ARHGAP22: variants seen among roughly 807,000 people sequenced by gnomAD.
ARHGAP22 encodes the protein Rho GTPase activating protein 22, also known as rho GTPase-activating protein 22.
Under a neutral mutation model 59.1 loss-of-function variants are expected in ARHGAP22, and 48 were observed. The observed-to-expected ratio is 0.81, with a 90% CI of 0.64 to 1.03. The LOEUF (loss-of-function observed/expected upper bound fraction) is 1.03. Ranked by LOEUF, ARHGAP22 falls within the 50% of genes least tolerant of loss-of-function variation. The pLI, the probability that ARHGAP22 is intolerant of heterozygous loss-of-function variation, is 0.00. For synonymous variants in ARHGAP22, 445 were observed against 416.4 expected, an observed-to-expected ratio of 1.07 and a Z score of -0.84; for missense variants, 1,015 against 958.7, an observed-to-expected ratio of 1.06 and a Z score of -0.78.
the ARHGAP22 span, chr10:48,435,050 TGGGA>T: frequency 9.9e-5 from 29 of 293,594 alleles, no homozygotes; most frequent in Non-Finnish European, 1.7e-4. Context: ...CATCGGGGGG[TGGGA>T]GGGATGGGGA....
chr10:48,463,845 A>G (rs926685442), intron 4 of ARHGAP22, among the ~76,000 whole-genome samples: 2 of 152,092 alleles, frequency 1.3e-5, no homozygotes, highest in African/African-American at 4.8e-5. Context: ...GAAGGAGGGG[A>G]CCGAGCTCTC....
At chr10:48,485,727 T>A (rs2049787816) in intron 3 of ARHGAP22, among the ~76,000 whole-genome samples, 1 of 152,226 alleles carries the variant, frequency 6.6e-6, no homozygotes, top group Non-Finnish European at 1.5e-5. Context: ...AGAACTGACC[T>A]CTTTATCATT....
chr10:48,635,430 C>T (rs2061777874), intron 1 of ARHGAP22, among the ~76,000 whole-genome samples: 1 of 152,248 alleles, frequency 6.6e-6, no homozygotes, highest in South Asian at 2.1e-4. Context: ...TGAAACGTCC[C>T]CTCTTAGGTG....
At position 48,528,781 on chromosome 10, in the gene ARHGAP22, G is replaced by A. The variant is rs575586929; in HGVS notation, c.322+26682C>T. ...CTGGTAGTTCACATGAGGGCTGGTT[G>A]TTTAAAAGAGTATGAGATCTCCTCC... On this transcript the variant is annotated intron_variant, in intron 3 of 9. Coordinates refer to ENST00000249601, the MANE Select transcript of ARHGAP22 (RefSeq NM_021226.4). Among the ~76,000 whole-genome samples the A allele has an allele frequency of 2.0e-5, 3 of 152,188 alleles. No individual in the cohort carries two copies. The East Asian group carries it at 5.8e-4, about 29-fold the overall frequency.
At position 48,530,292 on chromosome 10, in the gene ARHGAP22, T is replaced by C. The variant is rs142107209; in HGVS notation, c.322+25171A>G. Among the ~76,000 whole-genome samples, 309 of 130,760 alleles carry C rather than the reference T, an allele frequency of 2.4e-3. 1 individual carries two copies. The highest frequency in any genetic ancestry group is 8.3e-3 in the African/African-American group (294 of 35,520). 85.8% of individuals were successfully genotyped at this position (130,760 alleles called of 152,430 possible). ...TCAAGATGGATCAAAGACTTAAACC[T>C]AAGACCTGAAACTGTAAAAATTCTA... is the stretch of plus-strand genomic sequence containing the variant. On this transcript the variant is annotated intron_variant, in intron 3 of 9. Transcript: ENST00000249601.
intron 3 of ARHGAP22, among the ~76,000 whole-genome samples, chr10:48,534,459 C>A (rs2055164616): frequency 6.6e-6 from 1 of 152,226 alleles, no homozygotes; most frequent in Non-Finnish European, 1.5e-5. Context: ...GCTCTCTGTC[C>A]TTGCCATATG....
At chr10:48,555,430 A>G (rs2057234501) in intron 3 of ARHGAP22, 33 bp downstream of exon 3, 2 of 1,602,090 alleles carry the variant, frequency 1.2e-6, no homozygotes, top group Non-Finnish European at 1.7e-6. Flanking sequence ...CACCCCCACC[A>G]GGGCTGCAGA....
intron 4 of ARHGAP22, among the ~76,000 whole-genome samples, chr10:48,473,589 A>AT (rs1220829337): frequency 6.6e-6 from 1 of 152,082 alleles, no homozygotes; most frequent in Non-Finnish European, 1.5e-5. Context: ...CTTTATGTCC[A>AT]TTTTCTCTCT....
At chr10:48,503,809 C>T (rs1237690563) in intron 3 of ARHGAP22, among the ~76,000 whole-genome samples, 1 of 152,266 alleles carries the variant, frequency 6.6e-6, no homozygotes, top group Non-Finnish European at 1.5e-5. Context: ...CCCCTAACTC[C>T]TGCTGGAGTG....
chr10:48,616,695 A>G (rs2061094271), intron 1 of ARHGAP22, among the ~76,000 whole-genome samples: 1 of 152,140 alleles, frequency 6.6e-6, no homozygotes, highest in African/African-American at 2.4e-5. Context: ...CAAAATGCTG[A>G]AACAAAAACC....
At chr10:48,598,145 C>T (rs909031934) in intron 1 of ARHGAP22, among the ~76,000 whole-genome samples, 2 of 152,230 alleles carry the variant, frequency 1.3e-5, no homozygotes, top group Non-Finnish European at 2.9e-5. Flanking sequence ...GGTGGGGGCA[C>T]TTATGGATGT....
intron 1 of ARHGAP22, among the ~76,000 whole-genome samples, chr10:48,599,129 T>C (rs1589092625): frequency 6.6e-6 from 1 of 152,306 alleles, no homozygotes; most frequent in East Asian, 1.9e-4. Flanking sequence ...AGCAGGAAGT[T>C]CCAACAGGGC....
intron 3 of ARHGAP22, chr10:48,523,946 G>A: frequency 1.1e-6 from 1 of 951,506 alleles, no homozygotes; most frequent in Non-Finnish European, 1.4e-6. Flanking sequence ...CCAAAGCTGA[G>A]GCAGGTGCGG....
intron 1 of ARHGAP22, among the ~76,000 whole-genome samples, chr10:48,649,440 C>T (rs572547651): frequency 6.6e-6 from 1 of 152,326 alleles, no homozygotes; most frequent in African/African-American, 2.4e-5. Context: ...GATTTGGGGA[C>T]TTGAAGGAGT....
chr10:48,605,524 C>A (rs1178093187), upstream of ARHGAP22, among the ~76,000 whole-genome samples: 1 of 152,128 alleles, frequency 6.6e-6, no homozygotes, highest in East Asian at 1.9e-4. Context: ...AATAAGAGGG[C>A]AGGAAGCACT....
intron 2 of ARHGAP22, chr10:48,574,780 GCTAT>G (rs1376677701): frequency 1.3e-5 from 2 of 152,222 alleles, no homozygotes; most frequent in African/African-American, 4.8e-5. Flanking sequence ...GCTTTCAGGC[GCTAT>G]CTGAGAGTGA....
chr10:48,566,525 C>T (rs1271984344), intron 2 of ARHGAP22, among the ~76,000 whole-genome samples: 1 of 152,206 alleles, frequency 6.6e-6, no homozygotes, highest in Non-Finnish European at 1.5e-5. Flanking sequence ...AGTTGAGATA[C>T]ATCATTTGTC....
In ARHGAP22 at chr10:48,451,101, C is replaced by T. The variant is rs1345664485; in HGVS notation, c.1028G>A (p.Arg343His). Reference protein sequence around the residue: ...LVQHLMTVLIRKHSQLFTAPV... With the variant: ...LVQHLMTVLIHKHSQLFTAPV... ...TGCCGTGAAGAGCTGGCTGTGTTTGCGGATGAGGACGGTCATCAGGTGCTG... is the reference window on the plus strand; with the variant it reads ...TGCCGTGAAGAGCTGGCTGTGTTTGTGGATGAGGACGGTCATCAGGTGCTG... The change falls in exon 9 of 10, where the codon CGC becomes CAC. Residue 343 changes from arginine to histidine, a missense_variant. Physicochemically the swap from Arg to His is conservative, Grantham distance 29. Transcript: ENST00000249601. The T allele has an allele frequency of 1.3e-6, 2 of 1,552,962 alleles. No individual in the cohort carries two copies. The highest frequency in any genetic ancestry group is 1.4e-5 in the African/African-American group (1 of 73,130).
chr10:48,454,062 T>C lies in ARHGAP22; in HGVS notation c.866+26A>G, dbSNP rs1184277285. On this transcript the variant is annotated intron_variant, in intron 7 of 9. Coordinates refer to ENST00000249601, the MANE Select transcript of ARHGAP22 (RefSeq NM_021226.4). ...AGCGTGGAGCCAGTGCAGGAAAGTG[T>C]GGTTCCCTCCTGCCAAGCCGCTTAC... is the stretch of plus-strand genomic sequence containing the variant. 3 of 1,606,224 alleles carry C rather than the reference T, an allele frequency of 1.9e-6. No homozygotes were observed. The South Asian group carries it at 3.3e-5, about 18-fold the overall frequency.
Sources: allele counts gnomAD v4.1 joint callset (sites outside exome capture counted in the v4.1 genomes callset), GRCh38; gene constraint gnomAD v4.1.1; transcripts MANE v1.5; gene names NCBI Gene and HGNC (gene_info 2026-07-23, HGNC 2026-07-21).